HIP1R: variants seen among roughly 807,000 people sequenced by gnomAD.
The protein encoded by HIP1R is huntingtin-interacting protein 1-related protein.
A neutral mutation model predicts 144.2 loss-of-function variants in HIP1R; 135 were observed. The observed-to-expected ratio is 0.94, with a 90% CI of 0.81 to 1.08. The LOEUF (loss-of-function observed/expected upper bound fraction) is 1.08. Among genes scored for constraint, HIP1R ranks in the 50% least tolerant of loss-of-function variants. HIP1R has a pLI of 0.00. For missense variants in HIP1R, 1,462 were observed against 1,432.8 expected (o/e 1.02, Z -0.33); for synonymous variants, 698 against 612.8 (o/e 1.14, Z -2.05).
Position 122,861,383 on chromosome 12 carries a change from G to C in HIP1R, c.3028G>C (p.Val1010Leu). 1 of 1,613,594 alleles carries C rather than the reference G, an allele frequency of 6.2e-7. No individual in the cohort carries two copies. Among genetic ancestry groups the C allele is most frequent in the Non-Finnish European group, 8.5e-7 (1 of 1,179,926 alleles). The change falls in exon 31 of 32, where the codon GTG (valine) becomes CTG (leucine). Residue 1010 changes from valine to leucine, a missense_variant. Transcript: ENST00000253083. The stretch of plus-strand genomic sequence containing the variant: ...GGGGGAGTTGCGGAAGCAACACTAC[G>C]TGCTGGCTGGGGCATCAGGCAGCCC... ...RLGELRKQHY[V>L]LAGASGSPGE...
intron 3 of HIP1R, 56 bp from the exon 4 acceptor site, chr12:122,848,740 G>C: frequency 1.9e-6 from 3 of 1,607,456 alleles, no homozygotes; most frequent in Non-Finnish European, 1.7e-6. Flanking sequence ...GCGTGTCTCA[G>C]GGCCCTGCCA....
intron 23 of HIP1R, 61 bp downstream of exon 23, chr12:122,859,597 A>T (rs1281576042): frequency 6.9e-7 from 1 of 1,443,138 alleles, no homozygotes; most frequent in Non-Finnish European, 9.6e-7. Context: ...CGGAGGCCCC[A>T]ACTGGGCTGG....
chr12:122,857,693 C>T, intron 18 of HIP1R: 1 of 271,976 alleles, frequency 3.7e-6, no homozygotes, highest in Non-Finnish European at 7.0e-6. Context: ...TTTTACACTC[C>T]CACCAGCAAC....
chr12:122,851,150 C>T (rs1221432511), intron 6 of HIP1R, 86 bp from the exon 7 acceptor site: 2 of 1,236,716 alleles, frequency 1.6e-6, no homozygotes, highest in Non-Finnish European at 2.2e-6. Flanking sequence ...CGGCGGTGCC[C>T]CCGTCCCCAC....
intron 6 of HIP1R, 123 bp downstream of exon 6, chr12:122,851,034 T>C: frequency 1.1e-6 from 1 of 937,238 alleles, no homozygotes; most frequent in Non-Finnish European, 1.6e-6. Flanking sequence ...GCTTTGTTGG[T>C]TGATGCTCAC....
Position 122,855,355 on chromosome 12 carries a change from C to A in HIP1R, c.943C>A (p.Pro315Thr). 6.2e-7 allele frequency: 1 copy of A among 1,604,070 alleles called. No individual in the cohort carries two copies. The highest frequency in any genetic ancestry group is 8.5e-7 in the Non-Finnish European group (1 of 1,176,252). Residue 315 changes from proline (P) to threonine (T), a missense_variant, in exon 11 of 32, where the codon CCG (proline) becomes ACG (threonine). By Grantham distance (38) the Pro-to-Thr change is conservative (BLOSUM62 -1). Around this residue, in one of 2 missense-constraint regions of HIP1R, gnomAD observed 1,112 missense variants for 1,011.7 expected, o/e 1.10. Coordinates refer to ENST00000253083, the MANE Select transcript of HIP1R (RefSeq NM_003959.3). ...CGAGGAGGCCCCGGAAGATGAGGAG[C>A]CGGAGAATCTCATTGAGATCAGCAC... is the stretch of plus-strand genomic sequence containing the variant. Reference protein sequence around the residue: ...IPEEAPEDEEPENLIEISTGP... With the variant: ...IPEEAPEDEETENLIEISTGP...
upstream of HIP1R, chr12:122,835,332 TGGG>T (rs540174077): frequency 0.073 from 53,870 of 737,814 alleles, 2,475 homozygotes; most frequent in East Asian, 0.28. Context: ...GCCCTGGAGT[TGGG>T]GGCGGGCGAG....
rs1566117120 is a variant in HIP1R, at chr12:122,861,718, G to GT, written c.3172_3173insT (p.Asp1058ValfsTer23). On this transcript the variant is annotated frameshift_variant, in exon 32 of 32. Transcript: ENST00000253083. LOFTEE classifies it high-confidence loss of function. ...TTAACCCCTGCAGCTTGACAAAAAG[G>GT]ATGGCATCTACCCAGCTCAACTCGT... The GT allele has an allele frequency of 1.9e-6, 3 of 1,614,008 alleles. No individual in the cohort carries two copies. Among genetic ancestry groups the GT allele is most frequent in the Middle Eastern group, 3.3e-4 (2 of 6,084 alleles).
In HIP1R at chr12:122,862,945, TTGAC is replaced by T. The variant is rs977483609; in HGVS notation, c.*1195_*1198del. On this transcript the variant is annotated 3_prime_UTR_variant, in exon 32 of 32. Coordinates refer to ENST00000253083, the MANE Select transcript of HIP1R (RefSeq NM_003959.3). Reference sequence around the variant, plus strand: ...TGTTCTGTTGGCAATAAAATGCACTTTGACTGTTTGTTGTCACTGATGCCCCAGA... The same window carrying T: ...TGTTCTGTTGGCAATAAAATGCACTTTGTTTGTTGTCACTGATGCCCCAGA... 3.3e-5 allele frequency: 5 copies of T among 152,368 alleles called. No individual in the cohort carries two copies. The highest frequency in any genetic ancestry group is 4.8e-5 in the African/African-American group (2 of 41,582). 9.4% of individuals were successfully genotyped at this position (152,368 alleles called of 1,614,324 possible).
intron 7 of HIP1R, 48 bp downstream of exon 7, chr12:122,851,345 C>G (rs1399208829): frequency 1.4e-6 from 2 of 1,427,624 alleles, no homozygotes; most frequent in African/African-American, 3.0e-5. Flanking sequence ...TTGCTAAGTC[C>G]CCAGAGATGG....
chr12:122,841,500 T>A (rs2033059266), intron 1 of HIP1R, among the ~76,000 whole-genome samples: 1 of 152,254 alleles, frequency 6.6e-6, no homozygotes, highest in South Asian at 2.1e-4. Flanking sequence ...CTCCCTTCTT[T>A]GATGCTGTCT....
intron 18 of HIP1R, chr12:122,857,516 T>G: frequency 1.9e-6 from 1 of 521,900 alleles, no homozygotes; most frequent in Non-Finnish European, 3.5e-6. Context: ...CTGGCTGTTG[T>G]AAATAGTGCT....
intron 1 of HIP1R, 37 bp from the exon 2 acceptor site, chr12:122,847,994 C>T: frequency 6.2e-7 from 1 of 1,609,886 alleles, no homozygotes. Flanking sequence ...GGGGTGGCTG[C>T]CTGGGGCTCT....
In HIP1R at chr12:122,851,271, AT is replaced by A; in HGVS notation, c.553del (p.Cys185ValfsTer3). On this transcript the variant is annotated frameshift_variant, in exon 7 of 32. Coordinates refer to ENST00000253083, the MANE Select transcript of HIP1R (RefSeq NM_003959.3). LOFTEE classifies it high-confidence loss of function. ...QLTVEMFDYM[D>X]CELKLSESVF... is the part of the protein sequence containing the mutation. ...ACTGTGGAGATGTTTGATTACATGG[AT>A]TGTGAGCTGAAGCTTTCTGAATCAG... 2 of 1,554,694 alleles carry A rather than the reference AT, an allele frequency of 1.3e-6. No individual in the cohort carries two copies. Among genetic ancestry groups the A allele is most frequent in the South Asian group, 1.2e-5 (1 of 81,804 alleles).
Position 122,861,329 on chromosome 12 carries a change from A to AAGACGCTGGAGG in HIP1R, c.2975_2986dup (p.Glu995_Ala996insGluThrLeuGlu). The stretch of plus-strand genomic sequence containing the variant: ...ACAGGTGCGTGTCCTGGAGCTGGAG[A>AAGACGCTGGAGG]AGACGCTGGAGGCTGAACGCATGCG... On this transcript the variant is annotated inframe_insertion, in exon 31 of 32. Coordinates refer to ENST00000253083, the MANE Select transcript of HIP1R (RefSeq NM_003959.3). The AAGACGCTGGAGG allele has an allele frequency of 1.2e-5, 19 of 1,613,490 alleles. No homozygotes were observed. Among genetic ancestry groups the AAGACGCTGGAGG allele is most frequent in the Non-Finnish European group, 1.5e-5 (18 of 1,179,904 alleles).
intron 1 of HIP1R, among the ~76,000 whole-genome samples, chr12:122,841,631 T>C (rs768080415): frequency 5.3e-5 from 8 of 152,212 alleles, no homozygotes; most frequent in Non-Finnish European, 8.8e-5. Context: ...ATCCTCAAAC[T>C]GCAGTAGGTT....
At chr12:122,852,315 G>C (rs544833495) in intron 7 of HIP1R, among the ~76,000 whole-genome samples, 54 of 152,318 alleles carry the variant, frequency 3.5e-4, no homozygotes, top group Middle Eastern at 3.4e-3. Context: ...CTCAGGATCT[G>C]ACATGGAGAG....
intron 12 of HIP1R, 52 bp from the exon 13 acceptor site, chr12:122,855,779 C>T (rs1243669924): frequency 1.3e-6 from 2 of 1,538,600 alleles, no homozygotes. Context: ...TGTGCTGGGT[C>T]TGTTGACTGT....
At chr12:122,857,332 G>A in intron 18 of HIP1R, 117 bp downstream of exon 18, 2 of 969,140 alleles carry the variant, frequency 2.1e-6, no homozygotes, top group South Asian at 1.4e-5. Flanking sequence ...CATACACGAT[G>A]CATCCTTTTG....
Sources: gnomAD v4.1 joint callset for allele counts (sites outside exome capture counted in the v4.1 genomes callset) on GRCh38, gnomAD v4.1.1 for gene constraint, gnomAD v4.1.1 regional missense constraint, MANE v1.5 for transcripts, NCBI Gene and HGNC (gene_info 2026-07-23, HGNC 2026-07-21) for gene names.